Variants in CCNY observed in about 807,000 individuals in gnomAD.
CCNY encodes the protein cyclin Y, also known as cyclin-Y.
A neutral mutation model predicts 42.8 loss-of-function variants in CCNY; 19 were observed. That is an observed-to-expected ratio of 0.44 (90% confidence interval 0.31 to 0.65). The LOEUF is 0.65. Among genes scored for constraint, CCNY ranks in the 30% least tolerant of loss-of-function variants. CCNY has a pLI of 0.07. For synonymous variants in CCNY, 165 were observed against 162.7 expected (o/e 1.01, Z -0.11); for missense variants, 370 against 437.3 (o/e 0.85, Z 1.37).
chr10:35,401,016 T>C (rs1211823149), intron 1 of CCNY, among the ~76,000 whole-genome samples: 1 of 152,256 alleles, frequency 6.6e-6, no homozygotes, highest in Non-Finnish European at 1.5e-5. Flanking sequence ...TTTACTGAAG[T>C]AACTGTGCTC....
intron 3 of CCNY, among the ~76,000 whole-genome samples, chr10:35,267,926 T>C (rs1174399083): frequency 1.3e-5 from 2 of 152,160 alleles, no homozygotes; most frequent in Admixed American, 6.5e-5. Flanking sequence ...GTTCTTATCT[T>C]CTTTTTTCCT....
chr10:35,476,006 A>G (rs573220553), intron 1 of CCNY, among the ~76,000 whole-genome samples: 1 of 152,354 alleles, frequency 6.6e-6, no homozygotes, highest in South Asian at 2.1e-4. Flanking sequence ...CTGATAAAAC[A>G]GACTTTAAAC....
chr10:35,408,333 T>C (rs1837828405), intron 1 of CCNY, among the ~76,000 whole-genome samples: 1 of 152,140 alleles, frequency 6.6e-6, no homozygotes, highest in Non-Finnish European at 1.5e-5. Flanking sequence ...AAAACAGGCT[T>C]TGTGTGAGCA....
intron 1 of CCNY, among the ~76,000 whole-genome samples, chr10:35,407,195 T>C (rs1837798002): frequency 6.6e-6 from 1 of 152,114 alleles, no homozygotes; most frequent in African/African-American, 2.4e-5. Flanking sequence ...CGGGGAGGGC[T>C]AGTCATGGAA....
At chr10:35,248,829 A>G (rs2095709907) in intron 2 of CCNY, among the ~76,000 whole-genome samples, 1 of 152,188 alleles carries the variant, frequency 6.6e-6, no homozygotes, top group African/African-American at 2.4e-5. Flanking sequence ...ACACAGTGAG[A>G]CGTTGTCTCT....
intron 1 of CCNY, among the ~76,000 whole-genome samples, chr10:35,456,945 T>C (rs1839049161): frequency 6.6e-6 from 1 of 152,224 alleles, no homozygotes; most frequent in East Asian, 1.9e-4. Context: ...GAGGTTGAAT[T>C]GTTCTGCTTT....
chr10:35,382,035 A>G (rs1837196997), intron 1 of CCNY, among the ~76,000 whole-genome samples: 1 of 152,228 alleles, frequency 6.6e-6, no homozygotes, highest in African/African-American at 2.4e-5. Flanking sequence ...ATTACTGAAA[A>G]TAATTTTTTT....
At chr10:35,504,238 A>G (rs947785731) in intron 3 of CCNY, among the ~76,000 whole-genome samples, 3 of 152,228 alleles carry the variant, frequency 2.0e-5, no homozygotes, top group Non-Finnish European at 4.4e-5. Context: ...CAGGACCATG[A>G]TAACTGCAGG....
chr10:35,313,246 T>C (rs950417298), intron 3 of CCNY, among the ~76,000 whole-genome samples: 1 of 152,198 alleles, frequency 6.6e-6, no homozygotes, highest in Admixed American at 6.5e-5. Context: ...CTTTCCAGTC[T>C]CATCTCTGGG....
At chr10:35,258,916 A>G (rs1442402570) in intron 3 of CCNY, among the ~76,000 whole-genome samples, 2 of 148,818 alleles carry the variant, frequency 1.3e-5, no homozygotes, top group Admixed American at 6.7e-5. Flanking sequence ...AGCCTGGGTG[A>G]CAGAGAGAGA....
Position 35,337,103 on chromosome 10 carries a change from G to C in CCNY, c.50G>C (p.Arg17Thr). ...CCVSSSPKLRRNAHSRLESYR... is the reference protein window; with the variant it reads ...CCVSSSPKLRTNAHSRLESYR... ...GTGTCGTCCAGTCCCAAGCTCCGGA[G>C]GAATGCCCACTCCCGGCTGGAGTCC... Residue 17 changes from arginine to threonine, a missense_variant, in exon 1 of 10, where the codon AGG becomes ACG. Arg to Thr is a moderately conservative substitution (Grantham distance 71). Transcript: ENST00000374704. 1 of 1,595,108 alleles carries C rather than the reference G, an allele frequency of 6.3e-7. No homozygotes were observed. The highest frequency in any genetic ancestry group is 8.5e-7 in the Non-Finnish European group (1 of 1,172,740).
intron 3 of CCNY, among the ~76,000 whole-genome samples, chr10:35,513,597 T>A (rs1174807839): frequency 6.6e-6 from 1 of 152,216 alleles, no homozygotes; most frequent in Non-Finnish European, 1.5e-5. Context: ...CATGCACTCC[T>A]TCTGATAGAC....
At chr10:35,438,558 A>G (rs944977674) in intron 1 of CCNY, among the ~76,000 whole-genome samples, 2 of 152,176 alleles carry the variant, frequency 1.3e-5, no homozygotes, top group Non-Finnish European at 2.9e-5. Context: ...ATCTTTCACT[A>G]TTATTCAGTG....
intron 1 of CCNY, among the ~76,000 whole-genome samples, chr10:35,375,962 G>A (rs899566020): frequency 1.5e-4 from 23 of 152,168 alleles, no homozygotes; most frequent in Non-Finnish European, 1.2e-4. Flanking sequence ...GGAAGACACC[G>A]AAAGGAGGAC....
chr10:35,286,592 G>C (rs1314886404), intron 3 of CCNY, among the ~76,000 whole-genome samples: 3 of 151,210 alleles, frequency 2.0e-5, no homozygotes, highest in African/African-American at 7.3e-5. Context: ...CTGACCTCAG[G>C]TGATCTGCCT....
At chr10:35,471,836 C>G (rs1372273024) in intron 1 of CCNY, among the ~76,000 whole-genome samples, 1 of 152,178 alleles carries the variant, frequency 6.6e-6, no homozygotes, top group Non-Finnish European at 1.5e-5. Flanking sequence ...CAGGGGATTC[C>G]ATGACATTCC....
intron 7 of CCNY, among the ~76,000 whole-genome samples, chr10:35,532,535 C>T (rs891288335): frequency 6.6e-6 from 1 of 152,244 alleles, no homozygotes; most frequent in Non-Finnish European, 1.5e-5. Flanking sequence ...GTAACAATAA[C>T]TTAGATCACT....
At chr10:35,508,019 C>T (rs1329671291) in intron 3 of CCNY, among the ~76,000 whole-genome samples, 1 of 152,122 alleles carries the variant, frequency 6.6e-6, no homozygotes, top group Non-Finnish European at 1.5e-5. Flanking sequence ...ACTCGTTTTC[C>T]CTTTGCAACT....
At chr10:35,422,159 A>G (rs1838172111) in intron 1 of CCNY, among the ~76,000 whole-genome samples, 2 of 152,110 alleles carry the variant, frequency 1.3e-5, no homozygotes, top group African/African-American at 2.4e-5. Flanking sequence ...ACACCTTTCT[A>G]TTCTTTTAAA....
Sources: allele counts gnomAD v4.1 joint callset (sites outside exome capture counted in the v4.1 genomes callset), GRCh38; gene constraint gnomAD v4.1.1; transcripts MANE v1.5; gene names NCBI Gene and HGNC (gene_info 2026-07-23, HGNC 2026-07-21).